Variants in RALGPS2 observed in about 807,000 individuals in gnomAD.
RALGPS2 encodes Ral GEF with PH domain and SH3 binding motif 2.
Under a neutral mutation model 86.8 loss-of-function variants are expected in RALGPS2, and 43 were observed. The ratio of observed to expected loss-of-function variants is 0.50; its 90% CI spans 0.39 to 0.64. RALGPS2 has a LOEUF of 0.64. Ranked by LOEUF, RALGPS2 falls within the 30% of genes least tolerant of loss-of-function variation. The probability of loss-of-function intolerance (pLI) is 0.00; values close to 1 mark genes in which losing one functional copy is unlikely to be tolerated. For synonymous variants in RALGPS2, 243 were observed against 231.3 expected, an observed-to-expected ratio of 1.05 and a Z score of -0.46; for missense variants, 536 against 694.6, an observed-to-expected ratio of 0.77 and a Z score of 2.57.
chr1:178,806,092 T>A (rs370335973), intron 4 of RALGPS2, among the ~76,000 whole-genome samples: 224 of 143,158 alleles, frequency 1.6e-3, no homozygotes, highest in South Asian at 9.6e-3. Flanking sequence ...ATATATATAT[T>A]TTTTTTCTAT....
At chr1:178,912,605 T>A (rs1339228754) in intron 19 of RALGPS2, among the ~76,000 whole-genome samples, 2 of 152,166 alleles carry the variant, frequency 1.3e-5, no homozygotes, top group Non-Finnish European at 2.9e-5. Flanking sequence ...AAGCTCCATT[T>A]AAGATTTTTT....
intron 8 of RALGPS2, among the ~76,000 whole-genome samples, chr1:178,858,053 T>A (rs547879518): frequency 2.0e-5 from 3 of 152,318 alleles, no homozygotes; most frequent in South Asian, 4.1e-4. Flanking sequence ...CAGTTGGATA[T>A]CTGTTAGACT....
intron 7 of RALGPS2, among the ~76,000 whole-genome samples, chr1:178,827,970 A>G (rs1376231428): frequency 6.6e-6 from 1 of 152,206 alleles, no homozygotes; most frequent in East Asian, 1.9e-4. Context: ...AACTCAAAAT[A>G]TACTTAGTAC....
chr1:178,883,937 C>A (rs1211000348), intron 11 of RALGPS2, among the ~76,000 whole-genome samples: 1 of 151,706 alleles, frequency 6.6e-6, no homozygotes, highest in Admixed American at 6.6e-5. Context: ...TGCAATGAGC[C>A]GAGATCGTGC....
intron 8 of RALGPS2, among the ~76,000 whole-genome samples, chr1:178,868,841 A>T (rs1658574451): frequency 6.6e-6 from 1 of 152,000 alleles, no homozygotes; most frequent in African/African-American, 2.4e-5. Flanking sequence ...TTTAATAAAT[A>T]CAAAAGTATT....
chr1:178,804,054 T>C (rs2102180315), intron 4 of RALGPS2, among the ~76,000 whole-genome samples: 1 of 150,252 alleles, frequency 6.7e-6, no homozygotes, highest in East Asian at 2.0e-4. Flanking sequence ...AATCTTCCCC[T>C]GACTCAATCT....
At chr1:178,763,519 C>T (rs1363134163) in intron 1 of RALGPS2, among the ~76,000 whole-genome samples, 1 of 152,134 alleles carries the variant, frequency 6.6e-6, no homozygotes, top group African/African-American at 2.4e-5. Context: ...CTCTCTGTTT[C>T]TTTGAGCAGT....
intron 8 of RALGPS2, among the ~76,000 whole-genome samples, chr1:178,836,652 A>G (rs1341259206): frequency 6.6e-6 from 1 of 152,192 alleles, no homozygotes; most frequent in Non-Finnish European, 1.5e-5. Flanking sequence ...GAAATTCTCC[A>G]CAAGTAGCAC....
chr1:178,839,178 C>T (rs1474356736), intron 8 of RALGPS2, among the ~76,000 whole-genome samples: 2 of 152,118 alleles, frequency 1.3e-5, no homozygotes, highest in Admixed American at 1.3e-4. Context: ...AAAGATACTC[C>T]TCGAGAAGAG....
intron 6 of RALGPS2, among the ~76,000 whole-genome samples, chr1:178,813,690 C>T (rs1478483446): frequency 6.6e-6 from 1 of 152,182 alleles, no homozygotes; most frequent in Non-Finnish European, 1.5e-5. Context: ...AGTATGAAAT[C>T]TGTAGGGTAG....
chr1:178,772,834 C>T (rs762811526), intron 1 of RALGPS2, among the ~76,000 whole-genome samples: 11 of 152,288 alleles, frequency 7.2e-5, no homozygotes, highest in Middle Eastern at 3.4e-3. Flanking sequence ...GGCGGAGTCT[C>T]GCTGTCTCCC....
At chr1:178,875,591 T>A (rs1658966244) in intron 8 of RALGPS2, among the ~76,000 whole-genome samples, 1 of 151,900 alleles carries the variant, frequency 6.6e-6, no homozygotes, top group Non-Finnish European at 1.5e-5. Flanking sequence ...CTACTAAAAA[T>A]GCAAGAACTA....
intron 19 of RALGPS2, among the ~76,000 whole-genome samples, chr1:178,916,098 C>T (rs1233209889): frequency 6.6e-6 from 1 of 152,136 alleles, no homozygotes; most frequent in East Asian, 1.9e-4. Context: ...TACCCCTTCT[C>T]CTGTATAGAT....
chr1:178,906,237 T>G (rs1344069934), intron 18 of RALGPS2, among the ~76,000 whole-genome samples: 1 of 152,124 alleles, frequency 6.6e-6, no homozygotes, highest in East Asian at 1.9e-4. Flanking sequence ...TAGCTGGGCA[T>G]GGTGGTGCAC....
At chr1:178,880,029 C>CT (rs1659174931) in intron 10 of RALGPS2, among the ~76,000 whole-genome samples, 1 of 151,740 alleles carries the variant, frequency 6.6e-6, no homozygotes, top group African/African-American at 2.4e-5. Context: ...TCATTTGTTA[C>CT]TTTTTTTAAA....
At chr1:178,809,879 C>T (rs1244048427) in intron 5 of RALGPS2, among the ~76,000 whole-genome samples, 1 of 152,068 alleles carries the variant, frequency 6.6e-6, no homozygotes, top group Non-Finnish European at 1.5e-5. Context: ...CAAGCCTGCC[C>T]AGATTCAGTA....
At chr1:178,729,762 A>G (rs1479494814) in intron 1 of RALGPS2, among the ~76,000 whole-genome samples, 1 of 152,110 alleles carries the variant, frequency 6.6e-6, no homozygotes, top group East Asian at 1.9e-4. Context: ...TGAAATCTGA[A>G]TTTTTCTGGC....
intron 1 of RALGPS2, among the ~76,000 whole-genome samples, chr1:178,752,207 C>G (rs1651717163): frequency 6.6e-6 from 1 of 151,488 alleles, no homozygotes; most frequent in South Asian, 2.1e-4. Context: ...ACAGTCTTGG[C>G]CCACTGCAGC....
chr1:178,759,744 ATCC>A (rs1168252069), intron 1 of RALGPS2, among the ~76,000 whole-genome samples: 2 of 151,340 alleles, frequency 1.3e-5, no homozygotes, highest in Non-Finnish European at 3.0e-5. Context: ...TTTTTTTTGC[ATCC>A]TCCTCAATTT....
Sources: allele counts gnomAD v4.1 joint callset (sites outside exome capture counted in the v4.1 genomes callset), GRCh38; gene constraint gnomAD v4.1.1; transcripts MANE v1.5; gene names NCBI Gene and HGNC (gene_info 2026-07-23, HGNC 2026-07-21).